Variants in TTLL11 observed in about 807,000 individuals in gnomAD.
The protein encoded by TTLL11 is tubulin tyrosine ligase like 11.
In TTLL11, 42 loss-of-function variants were observed where a neutral mutation model predicts 51.7. The observed-to-expected ratio is 0.81, with a 90% CI of 0.64 to 1.05. The LOEUF is 1.05. Ranked by LOEUF, TTLL11 falls within the 50% of genes least tolerant of loss-of-function variation. The pLI, the probability that TTLL11 is intolerant of heterozygous loss-of-function variation, is 0.00. For synonymous variants in TTLL11, 381 were observed against 383.5 expected (o/e 0.99, Z 0.08); for missense variants, 799 against 940.4 (o/e 0.85, Z 1.97).
At chr9:122,007,921 T>A (rs1005303829) in intron 3 of TTLL11, among the ~76,000 whole-genome samples, 2 of 152,174 alleles carry the variant, frequency 1.3e-5, no homozygotes, top group Non-Finnish European at 2.9e-5. Flanking sequence ...GACACCACCT[T>A]AGCCAAATGA....
intron 1 of TTLL11, among the ~76,000 whole-genome samples, chr9:122,044,495 T>C (rs1192261387): frequency 2.0e-5 from 3 of 152,238 alleles, no homozygotes; most frequent in Non-Finnish European, 2.9e-5. Context: ...AGTGTTCCTA[T>C]TTCTCCACAT....
intron 3 of TTLL11, among the ~76,000 whole-genome samples, chr9:121,990,519 T>C (rs1843082552): frequency 6.6e-6 from 1 of 152,202 alleles, no homozygotes; most frequent in Non-Finnish European, 1.5e-5. Context: ...GAATCTAGAT[T>C]GATGACTGAA....
chr9:121,886,170 T>C (rs1316973220), intron 6 of TTLL11, among the ~76,000 whole-genome samples: 1 of 152,206 alleles, frequency 6.6e-6, no homozygotes, highest in African/African-American at 2.4e-5. Flanking sequence ...CAGCCTGGGT[T>C]CCGTGCCCTA....
At chr9:122,042,971 T>G (rs1844887161) in intron 1 of TTLL11, among the ~76,000 whole-genome samples, 1 of 152,154 alleles carries the variant, frequency 6.6e-6, no homozygotes, top group Non-Finnish European at 1.5e-5. Context: ...TACAGAGGAT[T>G]TTAGAGCAGT....
chr9:121,997,052 A>G (rs1588188765), intron 3 of TTLL11, among the ~76,000 whole-genome samples: 1 of 152,038 alleles, frequency 6.6e-6, no homozygotes, highest in African/African-American at 2.4e-5. Context: ...TGCTCAGAAA[A>G]CTTGAGGGGC....
At chr9:121,864,556 T>C (rs1221391648) in intron 7 of TTLL11, among the ~76,000 whole-genome samples, 1 of 152,142 alleles carries the variant, frequency 6.6e-6, no homozygotes, top group Admixed American at 6.5e-5. Flanking sequence ...GCGTCTACAT[T>C]AGGAAATTTC....
chr9:121,998,498 C>A (rs1026701517), intron 3 of TTLL11, among the ~76,000 whole-genome samples: 2 of 151,912 alleles, frequency 1.3e-5, no homozygotes, highest in African/African-American at 4.8e-5. Flanking sequence ...GTTGGTCAGG[C>A]TGGTCTCAAA....
At chr9:121,889,955 T>C (rs1278758219) in intron 6 of TTLL11, among the ~76,000 whole-genome samples, 2 of 152,276 alleles carry the variant, frequency 1.3e-5, no homozygotes, top group Admixed American at 1.3e-4. Context: ...ATATAGTGTT[T>C]GTCCTGTGTA....
intron 1 of TTLL11, among the ~76,000 whole-genome samples, chr9:122,090,090 G>C (rs572757055): frequency 1.3e-5 from 2 of 152,150 alleles, no homozygotes; most frequent in East Asian, 3.9e-4. Context: ...TACCCACTGG[G>C]GGTGACCAGT....
At chr9:121,912,828 T>G (rs1165334192) in intron 6 of TTLL11, among the ~76,000 whole-genome samples, 1 of 151,414 alleles carries the variant, frequency 6.6e-6, no homozygotes, top group African/African-American at 2.5e-5. Flanking sequence ...TAAAGATCCT[T>G]GGGAAAGGCA....
At chr9:121,985,800 G>A (rs1207796599) in intron 4 of TTLL11, among the ~76,000 whole-genome samples, 2 of 152,106 alleles carry the variant, frequency 1.3e-5, no homozygotes, top group African/African-American at 2.4e-5. Context: ...GATTACAGGC[G>A]TGAGCCACCG....
chr9:121,939,855 C>T (rs1262601373), intron 6 of TTLL11, among the ~76,000 whole-genome samples: 3 of 152,198 alleles, frequency 2.0e-5, no homozygotes, highest in East Asian at 1.9e-4. Flanking sequence ...TCTGAAGAGC[C>T]GTCCAGGCTT....
At chr9:121,959,685 T>A (rs1842150653) in intron 6 of TTLL11, among the ~76,000 whole-genome samples, 1 of 152,174 alleles carries the variant, frequency 6.6e-6, no homozygotes, top group Admixed American at 6.5e-5. Flanking sequence ...CACCCTTGCC[T>A]CACCCCAACT....
chr9:121,974,323 T>C (rs978533405), intron 5 of TTLL11, among the ~76,000 whole-genome samples, 199 bp from the exon 6 acceptor site: 1 of 152,136 alleles, frequency 6.6e-6, no homozygotes, highest in Non-Finnish European at 1.5e-5. Flanking sequence ...AGAGGAAAAA[T>C]AGCACTATGT....
chr9:121,989,512 C>T lies in TTLL11; in HGVS notation c.952G>A (p.Gly318Arg), dbSNP rs116515910. 1.4e-5 allele frequency: 22 copies of T among 1,613,964 alleles called. No individual in the cohort carries two copies. In the East Asian group the frequency reaches 2.7e-4, roughly 20 times the overall value. ...GGCTCGGTACAAAACCTAGAGAGTC[C>T]GTCTTTGGCTATATAAATCTCTAAG... Reference protein sequence around the residue: ...DPLEIYIAKDGLSRFCTEPYQ... With the variant: ...DPLEIYIAKDRLSRFCTEPYQ... Residue 318 changes from glycine (G) to arginine (R), a missense_variant, in exon 4 of 9, where the codon GGA becomes AGA. Physicochemically the swap from Gly to Arg is moderately radical, Grantham distance 125. Transcript: ENST00000321582. This position sits in a 1 kb window ranked among gnomAD's most constrained non-coding sequence, Gnocchi z 4.2.
chr9:121,981,420 C>T (rs1842827187), intron 4 of TTLL11, among the ~76,000 whole-genome samples: 1 of 152,114 alleles, frequency 6.6e-6, no homozygotes, highest in South Asian at 2.1e-4. Context: ...TCACTAGTTT[C>T]CATTTCTCTC....
intron 3 of TTLL11, among the ~76,000 whole-genome samples, chr9:122,000,471 CAAAAAAAAAAA>C (rs57775265): frequency 2.2e-4 from 5 of 22,814 alleles, no homozygotes; most frequent in South Asian, 2.7e-3. Context: ...GACTCCGTCG[CAAAAAAAAAAA>C]AAAAAAAAAA....
intron 1 of TTLL11, among the ~76,000 whole-genome samples, chr9:122,066,215 G>T (rs144712046): frequency 6.2e-4 from 39 of 63,244 alleles, no homozygotes; most frequent in African/African-American, 1.1e-3. Context: ...GTTGTTGTTA[G>T]TGGTGGTGGT....
intron 6 of TTLL11, among the ~76,000 whole-genome samples, chr9:121,933,336 G>A (rs1468964178): frequency 6.6e-6 from 1 of 152,156 alleles, no homozygotes; most frequent in Non-Finnish European, 1.5e-5. Context: ...GGAGAATGGG[G>A]AGCAAACGGG....
Sources: allele counts gnomAD v4.1 joint callset (sites outside exome capture counted in the v4.1 genomes callset), GRCh38; gene constraint gnomAD v4.1.1; non-coding constraint Gnocchi (gnomAD v3.1); transcripts MANE v1.5; gene names NCBI Gene and HGNC (gene_info 2026-07-23, HGNC 2026-07-21).